The following WDPCP variants were observed in gnomAD, a reference collection of about 807,000 sequenced individuals.
The protein encoded by WDPCP is WD repeat containing planar cell polarity effector, also known as WD repeat-containing and planar cell polarity effector protein fritz homolog.
Under a neutral mutation model 93.1 loss-of-function variants are expected in WDPCP, and 71 were observed. That is an observed-to-expected ratio of 0.76 (90% CI 0.63 to 0.93). The LOEUF is 0.93. Ranked by LOEUF, WDPCP falls within the 40% of genes least tolerant of loss-of-function variation. The probability of loss-of-function intolerance (pLI) is 0.00; values close to 1 mark genes in which losing one functional copy is unlikely to be tolerated. For missense variants in WDPCP, 844 were observed against 887.4 expected (o/e 0.95, Z 0.62); for synonymous variants, 315 against 315.0 (o/e 1.00, Z 0.00).
intron 13 of WDPCP, among the ~76,000 whole-genome samples, chr2:63,278,650 AC>A (rs1363340599): frequency 6.6e-6 from 1 of 152,052 alleles, no homozygotes; most frequent in Non-Finnish European, 1.5e-5. Flanking sequence ...ACACAGTGAA[AC>A]CCTGTCTCTA....
intron 2 of WDPCP, among the ~76,000 whole-genome samples, chr2:63,779,433 T>C (rs933418189): frequency 4.3e-4 from 65 of 152,182 alleles, no homozygotes; most frequent in Non-Finnish European, 4.6e-4. Context: ...GTTAGAGTAC[T>C]TGGGGTAATT....
intron 2 of WDPCP, among the ~76,000 whole-genome samples, chr2:63,744,051 G>T (rs920236462): frequency 6.6e-6 from 1 of 152,098 alleles, no homozygotes; most frequent in Admixed American, 6.6e-5. Flanking sequence ...AAGGGTGGGG[G>T]TGTGGAGGGA....
chr2:63,670,800 C>T (rs549882843), intron 2 of WDPCP, among the ~76,000 whole-genome samples: 4 of 151,948 alleles, frequency 2.6e-5, no homozygotes, highest in Admixed American at 1.3e-4. Flanking sequence ...AAGTTAACAT[C>T]GTAAATAACA....
intron 13 of WDPCP, among the ~76,000 whole-genome samples, chr2:63,298,534 A>T (rs1168295719): frequency 2.6e-5 from 4 of 152,004 alleles, no homozygotes; most frequent in Non-Finnish European, 5.9e-5. Flanking sequence ...TCTTGCCTTT[A>T]TCTTTCTCCC....
intron 2 of WDPCP, among the ~76,000 whole-genome samples, chr2:63,733,978 A>G (rs1445183848): frequency 6.6e-6 from 1 of 152,204 alleles, no homozygotes; most frequent in Non-Finnish European, 1.5e-5. Context: ...TATTCTAGAA[A>G]TATCACATGA....
intron 2 of WDPCP, among the ~76,000 whole-genome samples, chr2:63,763,872 G>A (rs1272355998): frequency 6.6e-6 from 1 of 152,106 alleles, no homozygotes; most frequent in East Asian, 1.9e-4. Context: ...GTGGTGTTGG[G>A]GGGAGGGTCA....
chr2:63,497,601 G>A (rs1029053318), intron 1 of WDPCP, among the ~76,000 whole-genome samples: 2 of 152,130 alleles, frequency 1.3e-5, no homozygotes, highest in Non-Finnish European at 2.9e-5. Flanking sequence ...TGGGCAAGGT[G>A]GGAGAGGACC....
chr2:63,219,319 G>T (rs1574907619), intron 14 of WDPCP, among the ~76,000 whole-genome samples: 1 of 152,162 alleles, frequency 6.6e-6, no homozygotes, highest in East Asian at 1.9e-4. Context: ...CATAAGCATA[G>T]GTTTTCCCTC....
At chr2:63,758,749 A>T (rs1670006725) in intron 2 of WDPCP, among the ~76,000 whole-genome samples, 1 of 151,360 alleles carries the variant, frequency 6.6e-6, no homozygotes, top group African/African-American at 2.4e-5. Context: ...CCAGTTCTGG[A>T]GTCTTTAAAA....
At chr2:63,495,815 G>T (rs1701190523) in intron 1 of WDPCP, among the ~76,000 whole-genome samples, 1 of 152,088 alleles carries the variant, frequency 6.6e-6, no homozygotes, top group Admixed American at 6.5e-5. Flanking sequence ...TAATAAATAT[G>T]ATCTCTGACC....
At chr2:63,197,014 A>C (rs970191786) in intron 14 of WDPCP, among the ~76,000 whole-genome samples, 1 of 152,228 alleles carries the variant, frequency 6.6e-6, no homozygotes, top group African/African-American at 2.4e-5. Flanking sequence ...ACATTGTTAG[A>C]GAAATGAAAA....
At chr2:63,606,457 A>G (rs993238255) in intron 3 of WDPCP, among the ~76,000 whole-genome samples, 1 of 152,180 alleles carries the variant, frequency 6.6e-6, no homozygotes, top group African/African-American at 2.4e-5. Flanking sequence ...CTTTAAAACT[A>G]TATGTATTTC....
rs141599128 is a variant in WDPCP at position 63,263,331 on chromosome 2, G to A, written c.1813-3922C>T. Among the ~76,000 whole-genome samples the A allele has an allele frequency of 7.9e-4, 120 of 152,320 alleles. 2 individuals are homozygous for A. The East Asian group carries it at 0.021, about 27-fold the overall frequency. ...TGCCAATGCAATGGTATTGGAAGGT[G>A]GGGCCCTTAAGAGAGGATTAGGTCA... On this transcript the variant is annotated intron_variant, in intron 13 of 17. Transcript: ENST00000272321.
At chr2:63,228,555 T>A (rs1678515958) in intron 14 of WDPCP, 1 of 151,972 alleles carries the variant, frequency 6.6e-6, no homozygotes, top group Non-Finnish European at 1.5e-5. Flanking sequence ...TAGCATTAGG[T>A]ATATCTCCTA....
At chr2:63,534,691 G>T (rs1704133221) in intron 1 of WDPCP, among the ~76,000 whole-genome samples, 1 of 152,100 alleles carries the variant, frequency 6.6e-6, no homozygotes, top group Non-Finnish European at 1.5e-5. Flanking sequence ...GAATAAACTA[G>T]GTATTCATGG....
intron 1 of WDPCP, among the ~76,000 whole-genome samples, chr2:63,821,062 T>A (rs1226631146): frequency 1.3e-5 from 2 of 152,170 alleles, no homozygotes; most frequent in Non-Finnish European, 2.9e-5. Context: ...TACATTTAAT[T>A]CGACATGTGA....
At chr2:63,247,925 G>A (rs1028381598) in intron 14 of WDPCP, among the ~76,000 whole-genome samples, 4 of 151,560 alleles carry the variant, frequency 2.6e-5, no homozygotes, top group Admixed American at 6.6e-5. Context: ...GTACACACTC[G>A]ATAGTTATTT....
chr2:63,268,682 T>C (rs1266166279), intron 13 of WDPCP, among the ~76,000 whole-genome samples: 2 of 151,874 alleles, frequency 1.3e-5, no homozygotes, highest in Admixed American at 1.3e-4. Flanking sequence ...AAGTTTGCCA[T>C]GTTGCCCAGG....
intron 1 of WDPCP, among the ~76,000 whole-genome samples, chr2:63,493,242 AT>A (rs1472719111): frequency 6.6e-6 from 1 of 152,162 alleles, no homozygotes; most frequent in Non-Finnish European, 1.5e-5. Context: ...CTCTGAGTAT[AT>A]TTAGAATTAT....
Sources: gnomAD v4.1 joint callset for allele counts (sites outside exome capture counted in the v4.1 genomes callset) on GRCh38, gnomAD v4.1.1 for gene constraint, MANE v1.5 for transcripts, NCBI Gene and HGNC (gene_info 2026-07-23, HGNC 2026-07-21) for gene names.